The following CLHC1 variants were observed in gnomAD, a reference collection of about 807,000 sequenced individuals.
CLHC1 encodes the protein clathrin heavy chain linker domain containing 1, also known as clathrin heavy chain linker domain-containing protein 1.
In CLHC1, 72 loss-of-function variants were observed where a neutral mutation model predicts 69.5. The ratio of observed to expected loss-of-function variants is 1.04; its 90% CI spans 0.86 to 1.26. The LOEUF is 1.26. CLHC1 is among the 50% of genes most tolerant of loss of function. CLHC1 has a pLI of 0.00. For synonymous variants in CLHC1, 223 were observed against 224.3 expected, an observed-to-expected ratio of 0.99 and a Z score of 0.05; for missense variants, 790 against 679.3, an observed-to-expected ratio of 1.16 and a Z score of -1.81.
At chr2:55,216,487 G>C (rs1673519699) in intron 4 of CLHC1, among the ~76,000 whole-genome samples, 1 of 151,794 alleles carries the variant, frequency 6.6e-6, no homozygotes, top group African/African-American at 2.4e-5. Flanking sequence ...ATCTTCCATG[G>C]AGGAAATTAC....
intron 4 of CLHC1, among the ~76,000 whole-genome samples, chr2:55,213,786 A>G (rs1054351586): frequency 2.6e-5 from 4 of 152,142 alleles, no homozygotes; most frequent in Non-Finnish European, 4.4e-5. Context: ...TTTTTTCAAG[A>G]GGGGCCATGC....
chr2:55,219,876 G>C (rs565825120), intron 3 of CLHC1, among the ~76,000 whole-genome samples: 1 of 152,228 alleles, frequency 6.6e-6, no homozygotes, highest in East Asian at 1.9e-4. Flanking sequence ...ACTTTACAGA[G>C]TCCAGCTACC....
At chr2:55,229,154 A>AG (rs1463194819) in intron 1 of CLHC1, among the ~76,000 whole-genome samples, 1 of 73,528 alleles carries the variant, frequency 1.4e-5, no homozygotes, top group Non-Finnish European at 2.9e-5. Flanking sequence ...CTGTCTCAAA[A>AG]AAAAAAAAAA....
chr2:55,208,865 C>CCTTTTTTTTTTTTTTTTT (rs1553353361), intron 7 of CLHC1, among the ~76,000 whole-genome samples, 155 bp from the exon 8 acceptor site: 1 of 90,820 alleles, frequency 1.1e-5, no homozygotes, highest in Non-Finnish European at 2.2e-5. Context: ...TCCCTTTCCT[C>CCTTTTTTTTTTTTTTTTT]TTTTTTTTTT....
At chr2:55,180,240 A>G (rs1292744878) in intron 11 of CLHC1, among the ~76,000 whole-genome samples, 2 of 152,120 alleles carry the variant, frequency 1.3e-5, no homozygotes, top group African/African-American at 4.8e-5. Context: ...TGCTAAATCT[A>G]TCTTTAAAAC....
intron 9 of CLHC1, among the ~76,000 whole-genome samples, chr2:55,204,276 C>A (rs1426822841): frequency 6.6e-6 from 1 of 152,072 alleles, no homozygotes; most frequent in Non-Finnish European, 1.5e-5. Flanking sequence ...AAGAGGGAAA[C>A]TCTGTCAAAA....
At chr2:55,180,826 T>A in intron 10 of CLHC1, 114 bp from the exon 11 acceptor site, 6 of 723,134 alleles carry the variant, frequency 8.3e-6, no homozygotes, top group African/African-American at 1.8e-5. Context: ...CCTGTAAGAA[T>A]TCCAAGTTAC....
chr2:55,196,337 C>G (rs1033104391), intron 9 of CLHC1, among the ~76,000 whole-genome samples: 1 of 152,060 alleles, frequency 6.6e-6, no homozygotes, highest in Non-Finnish European at 1.5e-5. Context: ...GGCATATTAC[C>G]TAGTAAGAAA....
At chr2:55,216,684 A>AT (rs974699951) in intron 4 of CLHC1, among the ~76,000 whole-genome samples, 2 of 146,698 alleles carry the variant, frequency 1.4e-5, no homozygotes, top group Non-Finnish European at 3.0e-5. Flanking sequence ...CACCCAGCTA[A>AT]TTTTTTTTTA....
intron 9 of CLHC1, among the ~76,000 whole-genome samples, chr2:55,182,368 C>A (rs1388751825): frequency 6.6e-6 from 1 of 152,038 alleles, no homozygotes; most frequent in Non-Finnish European, 1.5e-5. Context: ...TAGATTCAGC[C>A]AGTGACCAAA....
chr2:55,212,390 A>G (rs1394704723), intron 5 of CLHC1, among the ~76,000 whole-genome samples: 1 of 152,218 alleles, frequency 6.6e-6, no homozygotes, highest in East Asian at 1.9e-4. Context: ...AGGAATTTGC[A>G]TTTCTAAGAG....
chr2:55,194,138 G>A (rs762265195), intron 9 of CLHC1, among the ~76,000 whole-genome samples: 8 of 152,010 alleles, frequency 5.3e-5, no homozygotes, highest in Non-Finnish European at 8.8e-5. Flanking sequence ...AGGGAATGAG[G>A]AGTTAATGGG....
Position 55,219,570 on chromosome 2 carries a change from TTTTATTTA to T in CLHC1, c.178-1580_178-1573del, listed in dbSNP as rs971632504. Among the ~76,000 whole-genome samples, 19 of 152,198 alleles carry T rather than the reference TTTTATTTA, an allele frequency of 1.2e-4. 1 individual carries two copies. In the East Asian group the frequency reaches 1.5e-3, roughly 12 times the overall value. On this transcript the variant is annotated intron_variant, in intron 3 of 12. Coordinates refer to ENST00000401408, the MANE Select transcript of CLHC1 (RefSeq NM_152385.4). ...CCTTTACTGGTTTATTTATTCATGG[TTTTATTTA>T]TTTATTTATTTATTGTGGTTTTTCA...
intron 2 of CLHC1, chr2:55,224,362 G>C: frequency 2.2e-6 from 1 of 448,744 alleles, no homozygotes; most frequent in Non-Finnish European, 4.5e-6. Flanking sequence ...CTGCTACTTG[G>C]GGCAGAAGCT....
chr2:55,182,196 C>T (rs923411710), intron 9 of CLHC1, among the ~76,000 whole-genome samples: 4 of 152,110 alleles, frequency 2.6e-5, no homozygotes, highest in African/African-American at 7.2e-5. Context: ...GCTGCAGATA[C>T]ACAGAGGATA....
At chr2:55,197,034 T>C (rs1671491305) in intron 9 of CLHC1, among the ~76,000 whole-genome samples, 1 of 152,160 alleles carries the variant, frequency 6.6e-6, no homozygotes, top group Non-Finnish European at 1.5e-5. Flanking sequence ...CTTTGGGCCT[T>C]GACTGAACAT....
intron 9 of CLHC1, among the ~76,000 whole-genome samples, chr2:55,201,936 G>A (rs1328422868): frequency 1.3e-5 from 2 of 152,058 alleles, no homozygotes; most frequent in African/African-American, 4.8e-5. Context: ...AAGAGATGCT[G>A]AAAAAGCATT....
intron 4 of CLHC1, among the ~76,000 whole-genome samples, chr2:55,215,712 T>C (rs1413065039): frequency 6.6e-6 from 1 of 152,208 alleles, no homozygotes; most frequent in Non-Finnish European, 1.5e-5. Flanking sequence ...GTGCTTTTTA[T>C]TCTGCATGCC....
chr2:55,176,039 CT>C, intron 12 of CLHC1, 53 bp from the exon 13 acceptor site: 1 of 1,406,574 alleles, frequency 7.1e-7, no homozygotes, highest in Non-Finnish European at 9.8e-7. Flanking sequence ...ATAATCTATA[CT>C]TTAGTGATTC....
Sources: gnomAD v4.1 joint callset for allele counts (sites outside exome capture counted in the v4.1 genomes callset) on GRCh38, gnomAD v4.1.1 for gene constraint, MANE v1.5 for transcripts, NCBI Gene and HGNC (gene_info 2026-07-23, HGNC 2026-07-21) for gene names.